TMPRSS15: variants seen among roughly 807,000 people sequenced by gnomAD.
TMPRSS15 encodes enteropeptidase.
A neutral mutation model predicts 125.3 loss-of-function variants in TMPRSS15; 128 were observed. The observed-to-expected ratio is 1.02, with a 90% CI of 0.89 to 1.18. The LOEUF (loss-of-function observed/expected upper bound fraction) is 1.18. Ranked by LOEUF, TMPRSS15 falls within the 50% of genes most tolerant of loss-of-function variation. The pLI is 0.00. For missense variants in TMPRSS15, 1,283 were observed against 1,212.7 expected (o/e 1.06, Z -0.86); for synonymous variants, 446 against 423.2 (o/e 1.05, Z -0.66).
At chr21:18,358,329 C>G (rs1343482996) in intron 8 of TMPRSS15, among the ~76,000 whole-genome samples, 1 of 151,764 alleles carries the variant, frequency 6.6e-6, no homozygotes, top group Non-Finnish European at 1.5e-5. Context: ...TTTAGTCAGT[C>G]AACTCAAAGT....
rs541016487 is a variant in TMPRSS15 at position 18,359,987 on chromosome 21, A to C, written c.774-124T>G. ...ACATAATATGATATCTACTCTCTTA[A>C]ATTTTTAAGTGTACAGTGCAGTATT... On this transcript the variant is annotated intron_variant, in intron 7 of 24. Transcript: ENST00000284885. 18 of 579,254 alleles carry C rather than the reference A, an allele frequency of 3.1e-5. No individual in the cohort carries two copies. In the East Asian group the frequency reaches 5.3e-4, roughly 17 times the overall value. 35.9% of individuals were successfully genotyped at this position (579,254 alleles called of 1,614,324 possible). A position where few individuals can be genotyped will look rare whatever the true frequency, so the allele number is the denominator to read the frequency against.
chr21:18,295,671 C>T (rs2146902035), intron 19 of TMPRSS15, among the ~76,000 whole-genome samples: 1 of 152,268 alleles, frequency 6.6e-6, no homozygotes, highest in South Asian at 2.1e-4. Flanking sequence ...CTTTACAACA[C>T]AGAATGATTT....
intron 18 of TMPRSS15, among the ~76,000 whole-genome samples, chr21:18,308,018 C>T (rs1392136975): frequency 6.6e-6 from 1 of 152,096 alleles, no homozygotes; most frequent in Non-Finnish European, 1.5e-5. Flanking sequence ...TTGGGCGCAT[C>T]AATTGTGGAA....
chr21:18,289,320 C>A (rs2074804860), intron 21 of TMPRSS15, among the ~76,000 whole-genome samples: 1 of 152,152 alleles, frequency 6.6e-6, no homozygotes, highest in African/African-American at 2.4e-5. Context: ...CAAGACCAGC[C>A]TGACCAACAT....
rs1473198849 is a variant in TMPRSS15, at chr21:18,472,913, T to G, written c.10+12886A>C. On this transcript the variant is annotated intron_variant, in intron 1 of 7. Transcript: ENST00000422787. ...AAGGCACAATAATAGCACGTAAGAT[T>G]GATAAGATTCATTTAATAAGGCATG... Among the ~76,000 whole-genome samples, 7 of 152,186 alleles carry G rather than the reference T, an allele frequency of 4.6e-5. 1 individual carries two copies. The South Asian group carries it at 1.5e-3, about 32-fold the overall frequency.
At chr21:18,419,344 G>A (rs1051723968) in intron 1 of TMPRSS15, among the ~76,000 whole-genome samples, 1 of 148,896 alleles carries the variant, frequency 6.7e-6, no homozygotes, top group Non-Finnish European at 1.5e-5. Context: ...TCCTGCCTCA[G>A]CCTCCTGAGT....
At chr21:18,346,111 A>G (rs952624569) in intron 10 of TMPRSS15, among the ~76,000 whole-genome samples, 1 of 152,128 alleles carries the variant, frequency 6.6e-6, no homozygotes, top group South Asian at 2.1e-4. Context: ...ATAACATTAA[A>G]TTGCTATTTT....
chr21:18,344,969 T>C (rs556843467), intron 10 of TMPRSS15, among the ~76,000 whole-genome samples: 6 of 152,174 alleles, frequency 3.9e-5, no homozygotes, highest in Non-Finnish European at 7.3e-5. Flanking sequence ...CAGAAAAATA[T>C]AGGCAATGTT....
At chr21:18,456,806 A>G (rs1407679872) in intron 1 of TMPRSS15, among the ~76,000 whole-genome samples, 1 of 152,082 alleles carries the variant, frequency 6.6e-6, no homozygotes. Context: ...CTCAATAAAG[A>G]TTTTCAGAAA....
At chr21:18,293,099 T>C (rs1440767592) in intron 21 of TMPRSS15, among the ~76,000 whole-genome samples, 1 of 152,162 alleles carries the variant, frequency 6.6e-6, no homozygotes, top group Non-Finnish European at 1.5e-5. Flanking sequence ...GGATTATGCA[T>C]TTGAGTCTAC....
At chr21:18,322,353 A>G (rs1411965872) in intron 16 of TMPRSS15, among the ~76,000 whole-genome samples, 9 of 152,212 alleles carry the variant, frequency 5.9e-5, no homozygotes, top group Admixed American at 5.9e-4. Flanking sequence ...ACTACCATAT[A>G]ATTCAGGAGC....
At chr21:18,311,431 T>G (rs2075100249) in intron 18 of TMPRSS15, among the ~76,000 whole-genome samples, 1 of 152,128 alleles carries the variant, frequency 6.6e-6, no homozygotes, top group Admixed American at 6.6e-5. Context: ...AGGCAAATTA[T>G]CTGAATAGAC....
intron 1 of TMPRSS15, among the ~76,000 whole-genome samples, chr21:18,464,291 T>C (rs1308153325): frequency 1.3e-5 from 2 of 150,656 alleles, no homozygotes; most frequent in Non-Finnish European, 2.9e-5. Context: ...TAGCACTAAA[T>C]GCCCAGAGGA....
chr21:18,321,649 C>T (rs533126126), intron 16 of TMPRSS15, among the ~76,000 whole-genome samples: 5 of 152,150 alleles, frequency 3.3e-5, no homozygotes, highest in Admixed American at 6.5e-5. Context: ...CGTGCCCGGC[C>T]GCAAAAACGA....
chr21:18,470,476 A>G (rs1978756260), intron 1 of TMPRSS15, among the ~76,000 whole-genome samples: 1 of 152,032 alleles, frequency 6.6e-6, no homozygotes, highest in African/African-American at 2.4e-5. Flanking sequence ...AAAATAAATG[A>G]ATTCTAAGCA....
intron 1 of TMPRSS15, among the ~76,000 whole-genome samples, chr21:18,472,041 T>A (rs932652557): frequency 1.3e-5 from 2 of 152,122 alleles, no homozygotes; most frequent in Non-Finnish European, 2.9e-5. Flanking sequence ...ATAATCCATT[T>A]TTTTCTCAAG....
At chr21:18,348,466 A>T (rs1203458847) in intron 10 of TMPRSS15, among the ~76,000 whole-genome samples, 2 of 152,326 alleles carry the variant, frequency 1.3e-5, no homozygotes, top group East Asian at 3.9e-4. Flanking sequence ...AGGCTGATGC[A>T]AATTGTTTCA....
intron 3 of TMPRSS15, among the ~76,000 whole-genome samples, chr21:18,385,646 A>C (rs1469109517): frequency 6.6e-6 from 1 of 152,212 alleles, no homozygotes; most frequent in Non-Finnish European, 1.5e-5. Context: ...ATAGCGTAGC[A>C]GAAGAAGGAA....
At chr21:18,417,385 G>C (rs1197057508) in intron 1 of TMPRSS15, among the ~76,000 whole-genome samples, 1 of 152,024 alleles carries the variant, frequency 6.6e-6, no homozygotes, top group Non-Finnish European at 1.5e-5. Flanking sequence ...ATTACAGCCA[G>C]ACTGAGATTT....
Sources: gnomAD v4.1 joint callset for allele counts (sites outside exome capture counted in the v4.1 genomes callset) on GRCh38, gnomAD v4.1.1 for gene constraint, MANE v1.5 for transcripts, NCBI Gene and HGNC (gene_info 2026-07-23, HGNC 2026-07-21) for gene names.